NDUFAF2: variants seen among roughly 807,000 people sequenced by gnomAD.
The protein encoded by NDUFAF2 is NADH dehydrogenase [ubiquinone] 1 alpha subcomplex assembly factor 2.
In NDUFAF2, 13 loss-of-function variants were observed where a neutral mutation model predicts 22.8. The ratio of observed to expected loss-of-function variants is 0.57; its 90% CI spans 0.37 to 0.91. NDUFAF2 has a LOEUF of 0.91. Ranked by LOEUF, NDUFAF2 falls within the 40% of genes least tolerant of loss-of-function variation. The probability of loss-of-function intolerance (pLI) is 0.01; values close to 1 mark genes in which losing one functional copy is unlikely to be tolerated. For synonymous variants in NDUFAF2, 53 were observed against 64.2 expected (o/e 0.83, Z 0.84); for missense variants, 162 against 195.2 (o/e 0.83, Z 1.01).
At chr5:61,045,349 TATTTTAAAATTTC>T (rs936970102) in intron 1 of NDUFAF2, among the ~76,000 whole-genome samples, 1 of 149,476 alleles carries the variant, frequency 6.7e-6, no homozygotes. Flanking sequence ...AATAAATTTT[TATTTTAAAATTTC>T]ATTTTAAAAT....
At chr5:61,102,673 C>T (rs1359297045) in intron 3 of NDUFAF2, among the ~76,000 whole-genome samples, 1 of 151,932 alleles carries the variant, frequency 6.6e-6, no homozygotes, top group African/African-American at 2.4e-5. Context: ...GAATTAAATT[C>T]TAATGCTCAT....
At chr5:61,003,718 G>A (rs369676914) in intron 1 of NDUFAF2, among the ~76,000 whole-genome samples, 20 of 146,274 alleles carry the variant, frequency 1.4e-4, no homozygotes, top group African/African-American at 5.1e-4. Flanking sequence ...TGGCATGATC[G>A]TAGCTCACTG....
At chr5:61,136,039 A>ATATATATATATC (rs1367597510) in intron 3 of NDUFAF2, among the ~76,000 whole-genome samples, 1 of 103,390 alleles carries the variant, frequency 9.7e-6, no homozygotes, top group Admixed American at 1.0e-4. Flanking sequence ...ATATATATAT[A>ATATATATATATC]TATCTAGGGT....
intron 3 of NDUFAF2, among the ~76,000 whole-genome samples, chr5:61,145,114 C>G (rs1444507278): frequency 1.3e-5 from 2 of 151,984 alleles, no homozygotes; most frequent in Non-Finnish European, 2.9e-5. Context: ...TTTAAAAAAA[C>G]AAACTTTAAA....
At chr5:61,033,514 A>T (rs1220938615) in intron 1 of NDUFAF2, among the ~76,000 whole-genome samples, 2 of 152,130 alleles carry the variant, frequency 1.3e-5, no homozygotes, top group Non-Finnish European at 2.9e-5. Flanking sequence ...ATTTTTATTA[A>T]AGAATTGTTT....
At chr5:60,968,714 A>G (rs1291796662) in intron 1 of NDUFAF2, among the ~76,000 whole-genome samples, 4 of 152,072 alleles carry the variant, frequency 2.6e-5, no homozygotes, top group African/African-American at 4.8e-5. Flanking sequence ...GAACAATTCA[A>G]TTACACTCTT....
chr5:61,015,829 C>A (rs1346599197), intron 1 of NDUFAF2, among the ~76,000 whole-genome samples: 1 of 152,100 alleles, frequency 6.6e-6, no homozygotes, highest in Non-Finnish European at 1.5e-5. Context: ...CTTGCCCTGT[C>A]TTATGGTGGT....
chr5:61,134,404 C>T lies in NDUFAF2; in HGVS notation c.259-18300C>T, dbSNP rs1485952348. Among the ~76,000 whole-genome samples, 5 of 151,994 alleles carry T rather than the reference C, an allele frequency of 3.3e-5. No individual in the cohort carries two copies. The East Asian group carries it at 9.6e-4, about 29-fold the overall frequency. On this transcript the variant is annotated intron_variant, in intron 3 of 3. Coordinates refer to ENST00000296597, the MANE Select transcript of NDUFAF2 (RefSeq NM_174889.5). The stretch of plus-strand genomic sequence containing the variant: ...ACACAATTTCAAAATACATTAATCC[C>T]GCCAGGCGCGGTGGCTCACGCCTGT...
chr5:61,135,688 C>T (rs2111819074), intron 3 of NDUFAF2, among the ~76,000 whole-genome samples: 1 of 151,982 alleles, frequency 6.6e-6, no homozygotes, highest in East Asian at 1.9e-4. Flanking sequence ...GTTTGAGAAC[C>T]ACTGCTCTGG....
At chr5:61,085,140 A>G (rs1398029675) in intron 2 of NDUFAF2, among the ~76,000 whole-genome samples, 1 of 152,210 alleles carries the variant, frequency 6.6e-6, no homozygotes, top group African/African-American at 2.4e-5. Context: ...ACATAGATGT[A>G]GAAATCACTA....
chr5:61,079,281 T>C (rs1458941804), intron 2 of NDUFAF2, among the ~76,000 whole-genome samples: 1 of 152,182 alleles, frequency 6.6e-6, no homozygotes, highest in Non-Finnish European at 1.5e-5. Flanking sequence ...CCACAGGAAC[T>C]CCTTATAAAG....
At chr5:61,152,670 T>A in intron 3 of NDUFAF2, 34 bp from the exon 4 acceptor site, 1 of 1,415,822 alleles carries the variant, frequency 7.1e-7, no homozygotes, top group Non-Finnish European at 9.4e-7. Context: ...TAACTAGAAA[T>A]TTAATAATTT....
chr5:61,130,061 C>A (rs1021551657), intron 3 of NDUFAF2, among the ~76,000 whole-genome samples: 1 of 152,038 alleles, frequency 6.6e-6, no homozygotes, highest in Non-Finnish European at 1.5e-5. Flanking sequence ...TACCACGAAG[C>A]TTTTTATTGC....
At chr5:60,988,985 C>G (rs1751120312) in intron 1 of NDUFAF2, among the ~76,000 whole-genome samples, 1 of 152,138 alleles carries the variant, frequency 6.6e-6, no homozygotes, top group South Asian at 2.1e-4. Flanking sequence ...ACAGAGTAAA[C>G]AGACAATCTA....
At chr5:61,022,406 G>A (rs1751595186) in intron 1 of NDUFAF2, among the ~76,000 whole-genome samples, 1 of 152,138 alleles carries the variant, frequency 6.6e-6, no homozygotes, top group Non-Finnish European at 1.5e-5. Flanking sequence ...GTCTGAGAAT[G>A]TCTGTTTTCC....
At chr5:61,019,073 A>G (rs1751546447) in intron 1 of NDUFAF2, among the ~76,000 whole-genome samples, 1 of 152,112 alleles carries the variant, frequency 6.6e-6, no homozygotes, top group Non-Finnish European at 1.5e-5. Context: ...TCTGTAAAAT[A>G]AAGACATTAT....
At chr5:60,996,397 G>A (rs1222557639) in intron 1 of NDUFAF2, among the ~76,000 whole-genome samples, 2 of 152,052 alleles carry the variant, frequency 1.3e-5, no homozygotes, top group Non-Finnish European at 2.9e-5. Context: ...GTCTTGCCTT[G>A]GGTGAACTGA....
intron 1 of NDUFAF2, among the ~76,000 whole-genome samples, chr5:60,974,481 T>C (rs187459313): frequency 1.7e-3 from 257 of 152,292 alleles, no homozygotes; most frequent in Middle Eastern, 6.8e-3. Flanking sequence ...TAACAAACTT[T>C]CTTTTATATA....
chr5:60,986,136 C>T (rs756279437), intron 1 of NDUFAF2, among the ~76,000 whole-genome samples: 4 of 152,140 alleles, frequency 2.6e-5, no homozygotes, highest in Admixed American at 6.5e-5. Context: ...AGCAATATTA[C>T]TGCTATGTGT....
Sources: gnomAD v4.1 joint callset for allele counts (sites outside exome capture counted in the v4.1 genomes callset) on GRCh38, gnomAD v4.1.1 for gene constraint, MANE v1.5 for transcripts, NCBI Gene and HGNC (gene_info 2026-07-23, HGNC 2026-07-21) for gene names.